Variants in COL22A1 observed in about 807,000 individuals in gnomAD.
The protein encoded by COL22A1 is collagen alpha-1(XXII) chain.
In COL22A1, 221 loss-of-function variants were observed where a neutral mutation model predicts 248.9. That is an observed-to-expected ratio of 0.89 (90% confidence interval 0.80 to 0.99). COL22A1 has a LOEUF of 0.99. COL22A1 is among the 50% of genes least tolerant of loss of function. The pLI is 0.00. For synonymous variants in COL22A1, 891 were observed against 793.4 expected, an observed-to-expected ratio of 1.12 and a Z score of -2.07; for missense variants, 2,240 against 2,179.0, an observed-to-expected ratio of 1.03 and a Z score of -0.56.
intron 5 of COL22A1, chr8:138,827,134 T>A: frequency 3.6e-6 from 1 of 279,818 alleles, no homozygotes; most frequent in Non-Finnish European, 7.1e-6. Flanking sequence ...GCTTCGCTGC[T>A]CCCTGCTGCA....
chr8:138,721,603 T>A (rs1433409603), intron 26 of COL22A1, among the ~76,000 whole-genome samples: 3 of 123,460 alleles, frequency 2.4e-5, no homozygotes, highest in Non-Finnish European at 5.0e-5. Flanking sequence ...ACAGATCAAA[T>A]TTTTTTTTTG....
chr8:138,653,262 A>T (rs571285999), intron 45 of COL22A1, among the ~76,000 whole-genome samples: 1 of 152,248 alleles, frequency 6.6e-6, no homozygotes, highest in Admixed American at 6.5e-5. Context: ...CCTACCAAAG[A>T]GTTGTGTAGC....
chr8:138,729,033 G>C (rs1830524043), intron 23 of COL22A1, among the ~76,000 whole-genome samples: 1 of 152,166 alleles, frequency 6.6e-6, no homozygotes, highest in African/African-American at 2.4e-5. Context: ...GGCAGGACAA[G>C]GGGCTCGGCC....
chr8:138,608,066 G>T, intron 56 of COL22A1, 77 bp from the exon 57 acceptor site: 1 of 1,370,870 alleles, frequency 7.3e-7, no homozygotes, highest in Non-Finnish European at 1.0e-6. Context: ...ATAGACTGAT[G>T]CACAGGACTT....
chr8:138,822,662 G>T (rs573186576), intron 6 of COL22A1, among the ~76,000 whole-genome samples: 2 of 152,028 alleles, frequency 1.3e-5, no homozygotes, highest in African/African-American at 4.8e-5. Flanking sequence ...ACTTCTTCTC[G>T]GCTCCTGGAC....
chr8:138,760,328 C>T (rs369141873), intron 17 of COL22A1, 41 bp from the exon 18 acceptor site: 51 of 1,568,454 alleles, frequency 3.3e-5, no homozygotes, highest in Middle Eastern at 1.7e-4. Flanking sequence ...ATGGGCACTA[C>T]GGATACGGTG....
chr8:138,610,700 G>T (rs4311658), intron 56 of COL22A1, among the ~76,000 whole-genome samples: 94,899 of 151,954 alleles, frequency 0.62, 32,384 homozygotes, highest in Middle Eastern at 0.82. Context: ...GTGAAGCCCT[G>T]CACAATCTCA....
chr8:138,867,874 C>T (rs554126071), intron 3 of COL22A1, among the ~76,000 whole-genome samples: 6 of 152,270 alleles, frequency 3.9e-5, no homozygotes, highest in East Asian at 1.9e-4. Context: ...AAGCGAGTCT[C>T]GTGCCTCAGC....
At position 138,841,334 on chromosome 8, in the gene COL22A1, C is replaced by T. The variant is rs149650964; in HGVS notation, c.733+2750G>A. ...TGCTTGCTGGGGAGGTAGACAGGGA[C>T]GCAAATCATTATAATGCCTTCAGAT... On this transcript the variant is annotated intron_variant, in intron 4 of 64. Transcript: ENST00000303045. Among the ~76,000 whole-genome samples, 257 of 152,208 alleles carry T rather than the reference C, an allele frequency of 1.7e-3. 1 individual carries two copies. The highest frequency in any genetic ancestry group is 5.7e-3 in the African/African-American group (237 of 41,534).
At chr8:138,629,054 G>A (rs1169100133) in intron 50 of COL22A1, among the ~76,000 whole-genome samples, 1 of 151,752 alleles carries the variant, frequency 6.6e-6, no homozygotes, top group Non-Finnish European at 1.5e-5. Context: ...CTGATGATTT[G>A]CCCACCTTGG....
chr8:138,867,798 T>C (rs1026263498), intron 3 of COL22A1, among the ~76,000 whole-genome samples: 1 of 152,226 alleles, frequency 6.6e-6, no homozygotes, highest in Non-Finnish European at 1.5e-5. Flanking sequence ...GACGAAGTCC[T>C]ACTCTGTCGC....
At chr8:138,679,742 T>C in intron 39 of COL22A1, 66 bp from the exon 40 acceptor site, 1 of 1,437,944 alleles carries the variant, frequency 7.0e-7, no homozygotes, top group Non-Finnish European at 9.8e-7. Context: ...CTAAAATAAT[T>C]CAGCCCCTCT....
intron 23 of COL22A1, among the ~76,000 whole-genome samples, chr8:138,731,408 C>CA (rs1466840781): frequency 3.3e-5 from 5 of 152,096 alleles, no homozygotes; most frequent in African/African-American, 1.2e-4. Context: ...AGGCAGAAGG[C>CA]AGCCAGCGCC....
At chr8:138,857,232 C>T (rs1822103027) in intron 3 of COL22A1, among the ~76,000 whole-genome samples, 7 of 152,242 alleles carry the variant, frequency 4.6e-5, no homozygotes, top group Admixed American at 3.9e-4. Flanking sequence ...GACATTGGGC[C>T]CAGGTCCACT....
rs147350624 is a variant in COL22A1, at chr8:138,785,024, C to T, written c.1597-4044G>A. Among the ~76,000 whole-genome samples the T allele has an allele frequency of 3.4e-3, 521 of 152,308 alleles. 5 individuals are homozygous for T. Among genetic ancestry groups the T allele is most frequent in the African/African-American group, 0.012 (497 of 41,558 alleles). On this transcript the variant is annotated intron_variant, in intron 12 of 64. Coordinates refer to ENST00000303045, the MANE Select transcript of COL22A1 (RefSeq NM_152888.3). Reference sequence around the variant, plus strand: ...TATCCTCACCCTACCTTCGGGCACACTGGGGCACAGGGCAGGTGCATGACT... The same window carrying T: ...TATCCTCACCCTACCTTCGGGCACATTGGGGCACAGGGCAGGTGCATGACT...
chr8:138,829,963 T>C (rs1239698519), intron 5 of COL22A1, among the ~76,000 whole-genome samples: 1 of 152,214 alleles, frequency 6.6e-6, no homozygotes, highest in Non-Finnish European at 1.5e-5. Flanking sequence ...TATATGTATA[T>C]ACCTACACGT....
chr8:138,616,769 T>C, intron 54 of COL22A1, 145 bp downstream of exon 54: 1 of 857,212 alleles, frequency 1.2e-6, no homozygotes, highest in South Asian at 1.5e-5. Context: ...AAGGTGTCCC[T>C]GTGCTGGCTT....
intron 22 of COL22A1, among the ~76,000 whole-genome samples, chr8:138,749,842 C>A (rs139023747): frequency 6.6e-4 from 100 of 152,192 alleles, no homozygotes; most frequent in African/African-American, 2.3e-3. Context: ...GACAGGGAAA[C>A]TGAGCCAGGG....
At position 138,606,344 on chromosome 8, in the gene COL22A1, C is replaced by T. The variant is rs373116099; in HGVS notation, c.4104+37G>A. ...TGCATGTGAACATCACTACCTGGAG[C>T]CAGGTATCTTGGGCCCCACTGGGGT... On this transcript the variant is annotated intron_variant, in intron 58 of 64. Coordinates refer to ENST00000303045, the MANE Select transcript of COL22A1 (RefSeq NM_152888.3). 1.6e-5 allele frequency: 26 copies of T among 1,581,948 alleles called. No homozygotes were observed. In the African/African-American group the frequency reaches 3.2e-4, roughly 20 times the overall value.
Sources: gnomAD v4.1 joint callset for allele counts (sites outside exome capture counted in the v4.1 genomes callset) on GRCh38, gnomAD v4.1.1 for gene constraint, MANE v1.5 for transcripts, NCBI Gene and HGNC (gene_info 2026-07-23, HGNC 2026-07-21) for gene names.